NALF1: variants seen among roughly 807,000 people sequenced by gnomAD.
NALF1 encodes family with sequence similarity 155 member A.
Under a neutral mutation model 48.4 loss-of-function variants are expected in NALF1, and 3 were observed. That is an observed-to-expected ratio of 0.06 (90% CI 0.03 to 0.16). The LOEUF (loss-of-function observed/expected upper bound fraction) is 0.16, where lower values mean the gene tolerates loss of function less well. Among genes scored for constraint, NALF1 ranks in the 10% least tolerant of loss-of-function variants. The pLI is 1.00. For synonymous variants in NALF1, 262 were observed against 245.7 expected (o/e 1.07, Z -0.62); for missense variants, 526 against 571.5 (o/e 0.92, Z 0.81).
intron 2 of NALF1, among the ~76,000 whole-genome samples, chr13:107,194,541 G>A (rs1879352946): frequency 6.6e-6 from 1 of 152,014 alleles, no homozygotes; most frequent in South Asian, 2.1e-4. Flanking sequence ...TAAAACTGGA[G>A]CCCCATCTCT....
intron 1 of NALF1, among the ~76,000 whole-genome samples, chr13:107,808,295 T>C (rs891626830): frequency 1.3e-5 from 2 of 152,142 alleles, no homozygotes; most frequent in African/African-American, 4.8e-5. Context: ...GCTCCATCTG[T>C]CAGGCTTGAA....
At chr13:107,412,730 T>C (rs7322633) in intron 1 of NALF1, among the ~76,000 whole-genome samples, 30,487 of 152,050 alleles carry the variant, frequency 0.2, 3,269 homozygotes, top group African/African-American at 0.27. Context: ...TACAATAGTA[T>C]CGTATCAAAA....
At chr13:107,208,597 C>A (rs1475547930) in intron 2 of NALF1, among the ~76,000 whole-genome samples, 1 of 152,056 alleles carries the variant, frequency 6.6e-6, no homozygotes, top group African/African-American at 2.4e-5. Context: ...AACTATTGTT[C>A]TTCTCTAGGA....
intron 1 of NALF1, among the ~76,000 whole-genome samples, chr13:107,386,824 G>A (rs538868430): frequency 6.6e-6 from 1 of 152,226 alleles, no homozygotes; most frequent in Non-Finnish European, 1.5e-5. Context: ...AGAGGCCAAA[G>A]GAAAGTTATA....
chr13:107,850,676 G>A (rs1035718120), intron 1 of NALF1, among the ~76,000 whole-genome samples: 3 of 152,190 alleles, frequency 2.0e-5, no homozygotes, highest in Non-Finnish European at 4.4e-5. Context: ...GCCAAGGTGG[G>A]TGGATTACCT....
At chr13:107,808,020 G>C (rs1030898969) in intron 1 of NALF1, among the ~76,000 whole-genome samples, 1 of 152,126 alleles carries the variant, frequency 6.6e-6, no homozygotes, top group African/African-American at 2.4e-5. Context: ...AGGAGGTAAA[G>C]GGAGGCAAGA....
chr13:107,166,669 TATTTC>T lies in NALF1; in HGVS notation c.*3823_*3827del, dbSNP rs1393350818. On this transcript the variant is annotated 3_prime_UTR_variant, in exon 3 of 3. Transcript: ENST00000375915. The stretch of plus-strand genomic sequence containing the variant: ...CACATGGGTCTGGCATCCAATTGCT[TATTTC>T]ATTTATGTTTTTTTCCCCCGGAAAA... The T allele has an allele frequency of 2.0e-5, 3 of 152,296 alleles. No homozygotes were observed. Among genetic ancestry groups the T allele is most frequent in the African/African-American group, 4.8e-5 (2 of 41,570 alleles). The allele number at this position is 152,296 out of a possible 1,614,324, so 9.4% of individuals were successfully genotyped here. A position where few individuals can be genotyped will look rare whatever the true frequency, so the allele number is the denominator to read the frequency against.
chr13:107,611,986 A>G (rs2138432931), intron 1 of NALF1, among the ~76,000 whole-genome samples: 1 of 142,222 alleles, frequency 7.0e-6, no homozygotes, highest in South Asian at 2.4e-4. Flanking sequence ...AGAAGAGAAG[A>G]GGAGAGGAGA....
chr13:107,824,170 T>A (rs1879442543), intron 1 of NALF1, among the ~76,000 whole-genome samples: 1 of 152,152 alleles, frequency 6.6e-6, no homozygotes, highest in South Asian at 2.1e-4. Context: ...AAGCACATAA[T>A]TCCATCCATC....
chr13:107,288,512 G>A (rs1230874659), intron 1 of NALF1, among the ~76,000 whole-genome samples: 1 of 147,638 alleles, frequency 6.8e-6, no homozygotes, highest in African/African-American at 2.5e-5. Flanking sequence ...GAGCCACCGC[G>A]CCCAGCCTGA....
intron 1 of NALF1, among the ~76,000 whole-genome samples, chr13:107,288,972 G>A (rs530958255): frequency 1.1e-3 from 165 of 150,290 alleles, no homozygotes; most frequent in Middle Eastern, 6.8e-3. Context: ...AAGACAAGCA[G>A]ACACATCAAA....
chr13:107,770,207 C>T (rs1490122020), intron 1 of NALF1, among the ~76,000 whole-genome samples: 4 of 152,132 alleles, frequency 2.6e-5, no homozygotes, highest in East Asian at 1.9e-4. Flanking sequence ...GCCACCGCGC[C>T]GGGCCCACTT....
chr13:107,676,609 TAA>T (rs1555317189), intron 1 of NALF1, among the ~76,000 whole-genome samples: 3 of 146,620 alleles, frequency 2.0e-5, no homozygotes. Context: ...TTAATTTAAT[TAA>T]TTTAATTAAT....
At chr13:107,753,199 C>T (rs76053089) in intron 1 of NALF1, among the ~76,000 whole-genome samples, 2,316 of 152,270 alleles carry the variant, frequency 0.015, 54 homozygotes, top group African/African-American at 0.052. Context: ...CATCCACAGG[C>T]CTTTCCTATT....
intron 2 of NALF1, among the ~76,000 whole-genome samples, chr13:107,178,879 A>T (rs1356555580): frequency 6.6e-6 from 1 of 151,886 alleles, no homozygotes; most frequent in East Asian, 1.9e-4. Context: ...CAGGAGGCGG[A>T]GCTTGCAGTG....
chr13:107,714,976 T>C (rs934220972), intron 1 of NALF1, among the ~76,000 whole-genome samples: 2 of 152,186 alleles, frequency 1.3e-5, no homozygotes, highest in Admixed American at 6.5e-5. Context: ...AGAAGGGTTT[T>C]TTTTTGCATT....
At chr13:107,174,363 A>ATT (rs376258353) in intron 2 of NALF1, among the ~76,000 whole-genome samples, 10,996 of 144,022 alleles carry the variant, frequency 0.076, 531 homozygotes, top group East Asian at 0.16. Flanking sequence ...TTATTTATTT[A>ATT]TTTTTTTTTT....
intron 1 of NALF1, among the ~76,000 whole-genome samples, chr13:107,337,521 T>C (rs942106871): frequency 1.3e-5 from 2 of 152,294 alleles, no homozygotes; most frequent in South Asian, 4.1e-4. Context: ...GTGCCATTAA[T>C]GCTGATAAAT....
chr13:107,809,098 C>G (rs1002757385), intron 1 of NALF1, among the ~76,000 whole-genome samples: 2 of 151,858 alleles, frequency 1.3e-5, no homozygotes, highest in African/African-American at 4.8e-5. Flanking sequence ...GAAGCAGATT[C>G]AATTTTAAAT....
Sources: allele counts gnomAD v4.1 joint callset (sites outside exome capture counted in the v4.1 genomes callset), GRCh38; gene constraint gnomAD v4.1.1; transcripts MANE v1.5; gene names NCBI Gene and HGNC (gene_info 2026-07-23, HGNC 2026-07-21).